PAK5: variants seen among roughly 807,000 people sequenced by gnomAD.
PAK5 encodes the protein serine/threonine-protein kinase PAK 5.
A neutral mutation model predicts 65.9 loss-of-function variants in PAK5; 16 were observed. That is an observed-to-expected ratio of 0.24 (90% CI 0.16 to 0.37). The LOEUF (loss-of-function observed/expected upper bound fraction) is 0.37, where lower values mean the gene tolerates loss of function less well. Among genes scored for constraint, PAK5 ranks in the 10% least tolerant of loss-of-function variants. The pLI, the probability that PAK5 is intolerant of heterozygous loss-of-function variation, is 1.00. For missense variants in PAK5, 785 were observed against 903.9 expected (o/e 0.87, Z 1.69); for synonymous variants, 371 against 354.9 (o/e 1.05, Z -0.51).
intron 1 of PAK5, among the ~76,000 whole-genome samples, chr20:9,777,613 T>C (rs1286785028): frequency 2.6e-5 from 4 of 152,170 alleles, no homozygotes; most frequent in Non-Finnish European, 5.9e-5. Flanking sequence ...CTTATACAAC[T>C]ACCTATAGCA....
intron 2 of PAK5, among the ~76,000 whole-genome samples, chr20:9,700,347 G>A (rs1344369291): frequency 6.6e-6 from 1 of 152,172 alleles, no homozygotes. Flanking sequence ...GAAGGTTGAG[G>A]CTGCAGTGAG....
At chr20:9,597,872 G>C (rs2046298285) in intron 3 of PAK5, among the ~76,000 whole-genome samples, 1 of 152,230 alleles carries the variant, frequency 6.6e-6, no homozygotes, top group African/African-American at 2.4e-5. Context: ...TGATGCGAGT[G>C]AGCCCTGATG....
intron 1 of PAK5, among the ~76,000 whole-genome samples, chr20:9,742,497 C>T (rs960842267): frequency 5.9e-5 from 9 of 152,140 alleles, no homozygotes; most frequent in African/African-American, 1.9e-4. Flanking sequence ...CTGATGATCA[C>T]TCTCTTAGCT....
chr20:9,775,019 A>G (rs4470404), intron 1 of PAK5, among the ~76,000 whole-genome samples: 121,608 of 152,112 alleles, frequency 0.8, 48,969 homozygotes, highest in African/African-American at 0.91. Flanking sequence ...AGAGGCATAT[A>G]CTAATAAGCA....
intron 1 of PAK5, among the ~76,000 whole-genome samples, chr20:9,828,479 A>G (rs1978453614): frequency 6.6e-6 from 1 of 152,176 alleles, no homozygotes; most frequent in African/African-American, 2.4e-5. Flanking sequence ...ATACCCACAT[A>G]GCAACTGTTC....
intron 1 of PAK5, among the ~76,000 whole-genome samples, chr20:9,809,635 T>C (rs567139343): frequency 6.6e-6 from 1 of 152,166 alleles, no homozygotes; most frequent in Non-Finnish European, 1.5e-5. Flanking sequence ...TGCTTTGTGT[T>C]TAATGGCTGT....
chr20:9,614,252 ACT>A (rs1045252400), intron 3 of PAK5, among the ~76,000 whole-genome samples: 4 of 152,130 alleles, frequency 2.6e-5, no homozygotes, highest in Non-Finnish European at 4.4e-5. Flanking sequence ...GCTGAGAAAG[ACT>A]CTCTGAGGCT....
chr20:9,738,747 T>C (rs975869371), intron 1 of PAK5, among the ~76,000 whole-genome samples: 4 of 152,174 alleles, frequency 2.6e-5, no homozygotes, highest in African/African-American at 9.7e-5. Context: ...CTATCTTGAT[T>C]AAATTGATGA....
intron 1 of PAK5, among the ~76,000 whole-genome samples, chr20:9,817,540 A>T (rs966486982): frequency 6.6e-6 from 1 of 152,238 alleles, no homozygotes; most frequent in Non-Finnish European, 1.5e-5. Context: ...ATAACAGAAA[A>T]TAAACAGATA....
At chr20:9,702,061 G>A (rs148063371) in intron 2 of PAK5, among the ~76,000 whole-genome samples, 3 of 152,144 alleles carry the variant, frequency 2.0e-5, no homozygotes, top group Admixed American at 6.6e-5. Flanking sequence ...TGAAATATCC[G>A]AGCTTCCCTC....
chr20:9,691,042 A>T (rs1359191598), intron 2 of PAK5, among the ~76,000 whole-genome samples: 1 of 152,076 alleles, frequency 6.6e-6, no homozygotes, highest in Non-Finnish European at 1.5e-5. Flanking sequence ...GGTGTGAGCC[A>T]TGGTACCCAG....
At chr20:9,676,546 G>A (rs911735336) in intron 2 of PAK5, among the ~76,000 whole-genome samples, 3 of 152,114 alleles carry the variant, frequency 2.0e-5, no homozygotes, top group Non-Finnish European at 2.9e-5. Context: ...AAAGAAAACA[G>A]GATAGTTTCA....
At chr20:9,566,922 T>C (rs1175752070) in intron 4 of PAK5, among the ~76,000 whole-genome samples, 1 of 152,054 alleles carries the variant, frequency 6.6e-6, no homozygotes, top group Non-Finnish European at 1.5e-5. Flanking sequence ...CAGGGGTATG[T>C]GTGAAATGAA....
At chr20:9,656,475 C>A (rs2047269967) in intron 2 of PAK5, among the ~76,000 whole-genome samples, 1 of 152,028 alleles carries the variant, frequency 6.6e-6, no homozygotes, top group Admixed American at 6.6e-5. Flanking sequence ...TGATTTTTTC[C>A]TTGTATGTTT....
chr20:9,552,857 A>T (rs1182073259), intron 7 of PAK5, among the ~76,000 whole-genome samples: 1 of 151,776 alleles, frequency 6.6e-6, no homozygotes, highest in Non-Finnish European at 1.5e-5. Flanking sequence ...GGGTGCTAGG[A>T]CTACAGACAA....
chr20:9,560,060 T>C (rs1720271748), intron 6 of PAK5, among the ~76,000 whole-genome samples: 1 of 152,194 alleles, frequency 6.6e-6, no homozygotes, highest in African/African-American at 2.4e-5. Context: ...TCCGTGAAAT[T>C]TGAGTTATCT....
chr20:9,686,466 G>A (rs1440261335), intron 2 of PAK5, among the ~76,000 whole-genome samples: 1 of 152,116 alleles, frequency 6.6e-6, no homozygotes, highest in African/African-American at 2.4e-5. Flanking sequence ...CATGCTCATA[G>A]CTCACTGCAG....
intron 1 of PAK5, among the ~76,000 whole-genome samples, chr20:9,834,553 C>T (rs923036178): frequency 1.4e-4 from 21 of 152,200 alleles, no homozygotes; most frequent in African/African-American, 4.3e-4. Context: ...CAATTGCATG[C>T]TCTTCTATAT....
intron 2 of PAK5, among the ~76,000 whole-genome samples, chr20:9,655,918 A>C (rs2047261472): frequency 6.6e-6 from 1 of 152,106 alleles, no homozygotes; most frequent in Admixed American, 6.5e-5. Context: ...TTTTCTTATA[A>C]GGACAAGGGC....
Sources: allele counts gnomAD v4.1 joint callset (sites outside exome capture counted in the v4.1 genomes callset), GRCh38; gene constraint gnomAD v4.1.1; transcripts MANE v1.5; gene names NCBI Gene and HGNC (gene_info 2026-07-23, HGNC 2026-07-21).